The following OOSP1 variants were observed in gnomAD, a reference collection of about 807,000 sequenced individuals.
The protein encoded by OOSP1 is oocyte secreted protein 1, also known as putative oocyte-secreted protein 1 homolog.
Under a neutral mutation model 5.7 loss-of-function variants are expected in OOSP1, and 11 were observed. That is an observed-to-expected ratio of 1.94 (90% CI 1.22 to 3.20). The LOEUF is 3.20. Ranked by LOEUF, OOSP1 falls within the 30% of genes most tolerant of loss-of-function variation. The pLI, the probability that OOSP1 is intolerant of heterozygous loss-of-function variation, is 0.00. For synonymous variants in OOSP1, 44 were observed against 20.0 expected (o/e 2.20, Z -3.20); for missense variants, 83 against 54.1 (o/e 1.53, Z -1.67).
At chr11:59,949,481 T>G (rs901539769) in intron 4 of OOSP1, among the ~76,000 whole-genome samples, 7 of 151,130 alleles carry the variant, frequency 4.6e-5, no homozygotes, top group Non-Finnish European at 8.8e-5. Context: ...CCCTAAAACT[T>G]AAAGTATAAT....
At chr11:59,942,766 G>C (rs1199487886) in intron 1 of OOSP1, 81 bp from the exon 2 acceptor site, 3 of 627,242 alleles carry the variant, frequency 4.8e-6, no homozygotes. Flanking sequence ...CTCTTCATTT[G>C]TATTAACAGG....
intron 3 of OOSP1, among the ~76,000 whole-genome samples, chr11:59,946,917 A>ATCTATCTG (rs1452703621): frequency 7.5e-5 from 2 of 26,676 alleles, no homozygotes; most frequent in Non-Finnish European, 1.6e-4. Context: ...CATCTACCAT[A>ATCTATCTG]TCTATCTATC....
intron 4 of OOSP1, among the ~76,000 whole-genome samples, chr11:59,950,342 T>C (rs757238240): frequency 5.9e-5 from 9 of 152,188 alleles, no homozygotes; most frequent in Non-Finnish European, 1.3e-4. Flanking sequence ...AGGTCCAGAC[T>C]GGATGTAGAA....
At chr11:59,945,616 G>T (rs963826219) in intron 3 of OOSP1, among the ~76,000 whole-genome samples, 3 of 151,594 alleles carry the variant, frequency 2.0e-5, no homozygotes, top group Admixed American at 6.6e-5. Context: ...TGGGCATGGT[G>T]GGGGGTTGCC....
At chr11:59,942,731 A>T in intron 1 of OOSP1, 116 bp from the exon 2 acceptor site, 1 of 592,640 alleles carries the variant, frequency 1.7e-6, no homozygotes, top group Non-Finnish European at 3.0e-6. Context: ...ACCTCTTAAG[A>T]CATTTTGTTT....
chr11:59,954,397 G>A (rs1450140134), intron 4 of OOSP1, among the ~76,000 whole-genome samples: 1 of 152,036 alleles, frequency 6.6e-6, no homozygotes, highest in East Asian at 1.9e-4. Flanking sequence ...ACCAAAATAG[G>A]TAGTGGGCTA....
exon 5 of OOSP1, chr11:59,957,299 T>C (rs1446141682): frequency 5.0e-6 from 2 of 397,762 alleles, no homozygotes; most frequent in Middle Eastern, 6.3e-4. Flanking sequence ...AGCGAGATGA[T>C]AGATCTTCAT....
chr11:59,948,631 A>G (rs999922524), intron 4 of OOSP1: 24 of 396,366 alleles, frequency 6.1e-5, no homozygotes, highest in Non-Finnish European at 9.3e-5. Context: ...CTTATGAATA[A>G]CAGGCTCTTA....
chr11:59,945,260 T>C (rs1853869230), exon 3 of OOSP1: 1 of 702,982 alleles, frequency 1.4e-6, no homozygotes, highest in Non-Finnish European at 2.6e-6. Context: ...TCGTGTGTCG[T>C]CCACAAGTGA....
intron 1 of OOSP1, among the ~76,000 whole-genome samples, chr11:59,939,035 G>A (rs749490885): frequency 5.3e-5 from 8 of 152,168 alleles, no homozygotes; most frequent in Middle Eastern, 3.4e-3. Context: ...CTTTTCCTGC[G>A]TCGGCCCCAA....
intron 3 of OOSP1, 100 bp downstream of exon 3, chr11:59,945,366 G>T: frequency 1.4e-6 from 1 of 699,282 alleles, no homozygotes; most frequent in Non-Finnish European, 2.6e-6. Context: ...AACCAGTGAT[G>T]GGAGTTGGGG....
chr11:59,953,235 A>T (rs999190945), intron 4 of OOSP1, among the ~76,000 whole-genome samples: 1 of 152,112 alleles, frequency 6.6e-6, no homozygotes, highest in Non-Finnish European at 1.5e-5. Context: ...TTTAGTACTT[A>T]CAAAGGACTT....
chr11:59,939,243 C>A (rs756851050), intron 1 of OOSP1, among the ~76,000 whole-genome samples: 32 of 150,772 alleles, frequency 2.1e-4, no homozygotes, highest in Non-Finnish European at 4.1e-4. Context: ...TTCCTCCTTT[C>A]CTTCTTTTCT....
chr11:59,938,687 G>GT (rs1247895135), intron 1 of OOSP1, among the ~76,000 whole-genome samples, 157 bp downstream of exon 1: 1 of 152,186 alleles, frequency 6.6e-6, no homozygotes, highest in Non-Finnish European at 1.5e-5. Flanking sequence ...GAGATACCAT[G>GT]TTTTTCTCTT....
rs565279498 is a variant in OOSP1 at position 59,953,553 on chromosome 11, C to G, written c.487-3642C>G. Among the ~76,000 whole-genome samples, 6 of 152,140 alleles carry G rather than the reference C, an allele frequency of 3.9e-5. No homozygotes were observed. The South Asian group carries it at 1.2e-3, about 32-fold the overall frequency. ...GATGATTGGTATGTGCTTTCTAATG[C>G]GGAGTCTCTGGAAAGTGGGTGTTCT... On this transcript the variant is annotated intron_variant, in intron 4 of 4. Coordinates refer to ENST00000646685, the Ensembl canonical transcript of OOSP1.
chr11:59,950,703 A>G (rs901201487), intron 4 of OOSP1, among the ~76,000 whole-genome samples: 1 of 152,132 alleles, frequency 6.6e-6, no homozygotes, highest in Non-Finnish European at 1.5e-5. Context: ...GTTTTGGTGG[A>G]GAGGTATGGG....
intron 4 of OOSP1, among the ~76,000 whole-genome samples, chr11:59,949,588 A>G (rs766993282): frequency 6.6e-6 from 1 of 152,306 alleles, no homozygotes; most frequent in East Asian, 1.9e-4. Flanking sequence ...AGGGAAAGTC[A>G]TACAGGTGAG....
intron 4 of OOSP1, among the ~76,000 whole-genome samples, chr11:59,951,084 T>C (rs1411047575): frequency 6.6e-6 from 1 of 151,886 alleles, no homozygotes; most frequent in East Asian, 1.9e-4. Flanking sequence ...ATTATCAAAT[T>C]GCAAAAAAAT....
chr11:59,945,088 A>G (rs560630027), intron 2 of OOSP1, 81 bp from the exon 3 acceptor site: 47 of 683,086 alleles, frequency 6.9e-5, no homozygotes, highest in Non-Finnish European at 1.1e-4. Flanking sequence ...TGATGTATCT[A>G]TAAATTCCTA....
Sources: allele counts gnomAD v4.1 joint callset (sites outside exome capture counted in the v4.1 genomes callset), GRCh38; gene constraint gnomAD v4.1.1; transcripts MANE v1.5; gene names NCBI Gene and HGNC (gene_info 2026-07-23, HGNC 2026-07-21).